GALNT13: variants seen among roughly 807,000 people sequenced by gnomAD.
The protein encoded by GALNT13 is polypeptide N-acetylgalactosaminyltransferase 13, also known as UDP-GalNAc:polypeptide N-acetylgalactosaminyltransferase 13.
GALNT13 carries 28 observed loss-of-function variants against 64.2 expected under a neutral mutation model. That is an observed-to-expected ratio of 0.44 (90% confidence interval 0.32 to 0.60). The LOEUF is 0.60. Ranked by LOEUF, GALNT13 falls within the 20% of genes least tolerant of loss-of-function variation. The pLI is 0.05. For synonymous variants in GALNT13, 214 were observed against 224.6 expected (o/e 0.95, Z 0.42); for missense variants, 577 against 669.8 (o/e 0.86, Z 1.53).
At chr2:154,269,541 T>G (rs1277163408) in intron 8 of GALNT13, among the ~76,000 whole-genome samples, 1 of 151,744 alleles carries the variant, frequency 6.6e-6, no homozygotes, top group East Asian at 1.9e-4. Context: ...AATGATAATA[T>G]AGAGATTATT....
the GALNT13 span, among the ~76,000 whole-genome samples, chr2:153,177,042 G>A: frequency 3.4e-3 from 512 of 152,130 alleles, 2 homozygotes; most frequent in African/African-American, 0.012. Flanking sequence ...TTGAGGCACC[G>A]GGGTACAAGA....
chr2:153,313,082 C>T, the GALNT13 span, among the ~76,000 whole-genome samples: 1 of 152,166 alleles, frequency 6.6e-6, no homozygotes, highest in Non-Finnish European at 1.5e-5. Flanking sequence ...GATGCTTATA[C>T]ACTGTTGGGA....
At chr2:153,206,456 A>T in the GALNT13 span, among the ~76,000 whole-genome samples, 1 of 152,092 alleles carries the variant, frequency 6.6e-6, no homozygotes, top group Non-Finnish European at 1.5e-5. Context: ...GTACATATTT[A>T]TGCAGTACAT....
At chr2:153,755,951 G>A in the GALNT13 span, among the ~76,000 whole-genome samples, 1 of 152,096 alleles carries the variant, frequency 6.6e-6, no homozygotes, top group Non-Finnish European at 1.5e-5. Flanking sequence ...TTTGCAAGAA[G>A]TTAACTTCTG....
the GALNT13 span, among the ~76,000 whole-genome samples, chr2:153,234,685 G>C: frequency 6.6e-6 from 1 of 152,116 alleles, no homozygotes; most frequent in Non-Finnish European, 1.5e-5. Context: ...GGTCTACTGA[G>C]CCTCATGTAT....
intron 4 of GALNT13, among the ~76,000 whole-genome samples, chr2:154,177,527 A>C (rs1042778074): frequency 6.6e-6 from 1 of 152,154 alleles, no homozygotes; most frequent in Admixed American, 6.5e-5. Context: ...AAACCCAGAG[A>C]AAGTACACCA....
At chr2:153,856,494 G>T in the GALNT13 span, among the ~76,000 whole-genome samples, 1 of 152,158 alleles carries the variant, frequency 6.6e-6, no homozygotes, top group East Asian at 1.9e-4. Context: ...TCACCAAAGA[G>T]ATTATCCAAA....
chr2:153,469,334 A>C, the GALNT13 span, among the ~76,000 whole-genome samples: 1 of 152,068 alleles, frequency 6.6e-6, no homozygotes, highest in African/African-American at 2.4e-5. Flanking sequence ...CCTACACACC[A>C]GTCTTTATGG....
At chr2:153,169,597 A>T in the GALNT13 span, among the ~76,000 whole-genome samples, 1 of 152,130 alleles carries the variant, frequency 6.6e-6, no homozygotes, top group African/African-American at 2.4e-5. Context: ...CTCACTGACC[A>T]CTGAAAACCA....
chr2:153,373,628 T>C, the GALNT13 span, among the ~76,000 whole-genome samples: 2 of 152,224 alleles, frequency 1.3e-5, no homozygotes, highest in Non-Finnish European at 2.9e-5. Flanking sequence ...TACAGTTTAG[T>C]GGCACTAAGT....
intron 4 of GALNT13, among the ~76,000 whole-genome samples, chr2:154,147,043 T>C (rs879324681): frequency 2.0e-5 from 3 of 152,108 alleles, no homozygotes; most frequent in Admixed American, 6.6e-5. Flanking sequence ...GCCCCAGTTA[T>C]AGAACCTAAG....
chr2:153,968,657 C>A (rs1441278951), intron 3 of GALNT13, among the ~76,000 whole-genome samples: 2 of 152,122 alleles, frequency 1.3e-5, no homozygotes, highest in Non-Finnish European at 2.9e-5. Flanking sequence ...TTCGTTCTAC[C>A]TTCCTCTGAA....
chr2:154,431,973 G>T (rs1700731330), intron 11 of GALNT13, among the ~76,000 whole-genome samples: 1 of 152,154 alleles, frequency 6.6e-6, no homozygotes, highest in Admixed American at 6.5e-5. Context: ...TCTTAGGTAT[G>T]TCCTTATAGC....
chr2:153,307,077 T>C, the GALNT13 span, among the ~76,000 whole-genome samples: 1 of 152,200 alleles, frequency 6.6e-6, no homozygotes, highest in Non-Finnish European at 1.5e-5. Context: ...GGTACTTTTT[T>C]TCTATATATC....
chr2:154,027,834 G>A (rs928589957), intron 3 of GALNT13, among the ~76,000 whole-genome samples: 2 of 152,064 alleles, frequency 1.3e-5, no homozygotes, highest in African/African-American at 4.8e-5. Flanking sequence ...AGGCTTAAAT[G>A]TAGCATTATT....
the GALNT13 span, among the ~76,000 whole-genome samples, chr2:153,205,440 A>T: frequency 2.0e-5 from 3 of 152,260 alleles, no homozygotes; most frequent in South Asian, 6.2e-4. Flanking sequence ...AGTGCCTGGT[A>T]GATTATGCTC....
intron 3 of GALNT13, among the ~76,000 whole-genome samples, chr2:153,974,186 C>T (rs1253067202): frequency 1.3e-5 from 2 of 152,120 alleles, no homozygotes; most frequent in East Asian, 3.9e-4. Context: ...TCAATAATTT[C>T]CAACTAACGG....
chr2:153,077,200 C>T, the GALNT13 span, among the ~76,000 whole-genome samples: 1 of 152,140 alleles, frequency 6.6e-6, no homozygotes, highest in African/African-American at 2.4e-5. Flanking sequence ...GATCCACCTA[C>T]CTCAGCCTCT....
the GALNT13 span, among the ~76,000 whole-genome samples, chr2:153,265,965 T>C: frequency 5.3e-5 from 8 of 152,204 alleles, no homozygotes; most frequent in African/African-American, 1.9e-4. Context: ...TACCCTCAGA[T>C]GGTCGTTAAC....
Sources: gnomAD v4.1 joint callset for allele counts (sites outside exome capture counted in the v4.1 genomes callset) on GRCh38, gnomAD v4.1.1 for gene constraint, MANE v1.5 for transcripts, NCBI Gene and HGNC (gene_info 2026-07-23, HGNC 2026-07-21) for gene names.